The following PFDN1 variants were observed in gnomAD, a reference collection of about 807,000 sequenced individuals.
The protein encoded by PFDN1 is prefoldin subunit 1.
A neutral mutation model predicts 17.3 loss-of-function variants in PFDN1; 6 were observed. That is an observed-to-expected ratio of 0.35 (90% confidence interval 0.19 to 0.69). The LOEUF is 0.69. Ranked by LOEUF, PFDN1 falls within the 30% of genes least tolerant of loss-of-function variation. The pLI is 0.65. For missense variants in PFDN1, 113 were observed against 146.2 expected, an observed-to-expected ratio of 0.77 and a Z score of 1.17; for synonymous variants, 58 against 50.1, an observed-to-expected ratio of 1.16 and a Z score of -0.67.
intron 1 of PFDN1, among the ~76,000 whole-genome samples, chr5:140,300,863 T>A (rs1019677492): frequency 6.6e-6 from 1 of 152,150 alleles, no homozygotes; most frequent in Non-Finnish European, 1.5e-5. Context: ...AAGAAATAAA[T>A]GCAATAGTCA....
chr5:140,249,401 T>C (rs949567729), intron 3 of PFDN1, among the ~76,000 whole-genome samples: 2 of 152,186 alleles, frequency 1.3e-5, no homozygotes, highest in African/African-American at 4.8e-5. Flanking sequence ...ACACCAATTC[T>C]ACCACAATTA....
intron 3 of PFDN1, among the ~76,000 whole-genome samples, chr5:140,263,248 C>T (rs907617606): frequency 9.9e-5 from 15 of 152,240 alleles, no homozygotes; most frequent in Non-Finnish European, 1.8e-4. Flanking sequence ...GTAAGTTTAA[C>T]AGACAGACTC....
rs1419434199 is a variant in PFDN1, at chr5:140,281,454, G to C, written c.280C>G (p.Leu94Val). Reference protein sequence around the residue: ...QKIAEEKIKELEQKKSYLERS... With the variant: ...QKIAEEKIKEVEQKKSYLERS... The stretch of plus-strand genomic sequence containing the variant: ...TATTGCCAATAAAAACTTACTTCTA[G>C]TTCTTTAATTTTTTCTTCTGCTATT... Residue 94 changes from leucine (L) to valine (V), a missense_variant, in exon 3 of 4, where the codon CTA becomes GTA. Coordinates refer to ENST00000261813, the MANE Select transcript of PFDN1 (RefSeq NM_002622.5). The C allele has an allele frequency of 2.0e-6, 3 of 1,469,004 alleles. No homozygotes were observed. Among genetic ancestry groups the C allele is most frequent in the Non-Finnish European group, 2.9e-6 (3 of 1,049,416 alleles). The allele number at this position is 1,469,004 out of a possible 1,614,324, so 91.0% of individuals were successfully genotyped here. A position where few individuals can be genotyped will look rare whatever the true frequency, so the allele number is the denominator to read the frequency against.
At chr5:140,268,368 C>T (rs953127207) in intron 3 of PFDN1, among the ~76,000 whole-genome samples, 1 of 152,062 alleles carries the variant, frequency 6.6e-6, no homozygotes, top group Non-Finnish European at 1.5e-5. Flanking sequence ...AGTTCATAAA[C>T]GGGATGGGCA....
intron 3 of PFDN1, among the ~76,000 whole-genome samples, chr5:140,279,837 AAC>A (rs1362397784): frequency 5.3e-5 from 8 of 151,750 alleles, no homozygotes; most frequent in African/African-American, 1.9e-4. Flanking sequence ...CTCTACTAAA[AAC>A]ACAAAATTAG....
chr5:140,301,448 G>A (rs1290409602), intron 1 of PFDN1, among the ~76,000 whole-genome samples: 1 of 152,134 alleles, frequency 6.6e-6, no homozygotes, highest in African/African-American at 2.4e-5. Context: ...TTAAATTTGT[G>A]CCTTAATAAC....
intron 3 of PFDN1, among the ~76,000 whole-genome samples, chr5:140,278,587 A>AAAAAAAAAAAAAC (rs1561508718): frequency 1.5e-5 from 2 of 131,784 alleles, no homozygotes; most frequent in Non-Finnish European, 3.2e-5. Flanking sequence ...AAAAAAAAAA[A>AAAAAAAAAAAAAC]CAAAAAACAA....
Position 140,245,243 on chromosome 5 carries a change from A to C in PFDN1, c.*731T>G. The C allele has an allele frequency of 2.9e-5, 13 of 443,658 alleles. No homozygotes were observed. Among genetic ancestry groups the C allele is most frequent in the East Asian group, 7.8e-5 (2 of 25,734 alleles). 27.5% of individuals were successfully genotyped at this position (443,658 alleles called of 1,614,324 possible). On this transcript the variant is annotated 3_prime_UTR_variant, in exon 4 of 4. Coordinates refer to ENST00000261813, the MANE Select transcript of PFDN1 (RefSeq NM_002622.5). ...TCACACCGTTGCCCCCTCAGCCTCT[A>C]GGAGGCCTCAGGATTATGGCGTCCA...
chr5:140,270,213 T>A (rs1765185999), intron 3 of PFDN1, among the ~76,000 whole-genome samples: 1 of 152,134 alleles, frequency 6.6e-6, no homozygotes. Flanking sequence ...AAAGAAATCA[T>A]TCTCTAGGCA....
At chr5:140,273,175 G>A (rs1207568061) in intron 3 of PFDN1, among the ~76,000 whole-genome samples, 2 of 151,480 alleles carry the variant, frequency 1.3e-5, no homozygotes, top group Non-Finnish European at 1.5e-5. Context: ...AACCCAGGAG[G>A]CGGAGGTTGC....
intron 3 of PFDN1, among the ~76,000 whole-genome samples, chr5:140,252,903 G>A (rs994495348): frequency 6.6e-6 from 1 of 152,192 alleles, no homozygotes; most frequent in African/African-American, 2.4e-5. Flanking sequence ...GGTGAGGAGG[G>A]CCAACAGAGG....
At chr5:140,268,674 TACTC>T (rs1000449686) in intron 3 of PFDN1, among the ~76,000 whole-genome samples, 1 of 151,990 alleles carries the variant, frequency 6.6e-6, no homozygotes, top group Non-Finnish European at 1.5e-5. Context: ...AGTTCATAAA[TACTC>T]AAGGAATCTA....
chr5:140,248,204 G>C (rs1320609331), intron 3 of PFDN1, among the ~76,000 whole-genome samples: 6 of 151,846 alleles, frequency 4.0e-5, no homozygotes, highest in Non-Finnish European at 8.8e-5. Context: ...AAGTAGTTGG[G>C]ATTACAGGCA....
At chr5:140,280,010 A>AG (rs1765367994) in intron 3 of PFDN1, among the ~76,000 whole-genome samples, 1 of 134,638 alleles carries the variant, frequency 7.4e-6, no homozygotes, top group Admixed American at 7.3e-5. Flanking sequence ...AAAAAAAAAA[A>AG]AAACAAAAAA....
chr5:140,261,800 G>GC (rs1041847882), intron 3 of PFDN1, among the ~76,000 whole-genome samples: 2 of 152,038 alleles, frequency 1.3e-5, no homozygotes, highest in African/African-American at 2.4e-5. Flanking sequence ...GGTAAGACAA[G>GC]CAACCCAGGA....
intron 3 of PFDN1, among the ~76,000 whole-genome samples, chr5:140,268,244 G>A (rs769419670): frequency 1.2e-4 from 18 of 151,994 alleles, no homozygotes; most frequent in Middle Eastern, 3.2e-3. Flanking sequence ...TGAATAAAAC[G>A]GTAAGATAAA....
intron 3 of PFDN1, among the ~76,000 whole-genome samples, chr5:140,251,077 A>G (rs992846092): frequency 2.6e-5 from 4 of 152,018 alleles, no homozygotes; most frequent in African/African-American, 7.2e-5. Context: ...TGAGGATTAC[A>G]GGTGAGTACC....
At position 140,245,672 on chromosome 5, in the gene PFDN1, C is replaced by T; in HGVS notation, c.*302G>A. The T allele has an allele frequency of 1.5e-6, 1 of 648,648 alleles. No homozygotes were observed. The highest frequency in any genetic ancestry group is 2.8e-6 in the Non-Finnish European group (1 of 361,906). The allele number at this position is 648,648 out of a possible 1,614,324, so 40.2% of individuals were successfully genotyped here. The stretch of plus-strand genomic sequence containing the variant: ...GCTTTTTATTGGTCTGGCTGGCGTG[C>T]CTAGTGGAAAGCTCAGGCAGAGCTT... On this transcript the variant is annotated 3_prime_UTR_variant, in exon 4 of 4. Coordinates refer to ENST00000261813, the MANE Select transcript of PFDN1 (RefSeq NM_002622.5).
At chr5:140,273,882 T>C (rs868679967) in intron 3 of PFDN1, 7 of 984,442 alleles carry the variant, frequency 7.1e-6, no homozygotes, top group South Asian at 4.7e-5. Flanking sequence ...GCCTAAAATA[T>C]AACAGACTTT....
Sources: gnomAD v4.1 joint callset for allele counts (sites outside exome capture counted in the v4.1 genomes callset) on GRCh38, gnomAD v4.1.1 for gene constraint, MANE v1.5 for transcripts, NCBI Gene and HGNC (gene_info 2026-07-23, HGNC 2026-07-21) for gene names.